LIG1: variants seen among roughly 807,000 people sequenced by gnomAD.
LIG1 encodes the protein ligase I, DNA, ATP-dependent.
A neutral mutation model predicts 115.7 loss-of-function variants in LIG1; 70 were observed. The ratio of observed to expected loss-of-function variants is 0.60; its 90% confidence interval spans 0.50 to 0.74. The LOEUF (loss-of-function observed/expected upper bound fraction) is 0.74. Among genes scored for constraint, LIG1 ranks in the 30% least tolerant of loss-of-function variants. The probability of loss-of-function intolerance (pLI) is 0.00; values close to 1 mark genes in which losing one functional copy is unlikely to be tolerated. For synonymous variants in LIG1, 487 were observed against 495.3 expected, an observed-to-expected ratio of 0.98 and a Z score of 0.22; for missense variants, 1,115 against 1,225.6, an observed-to-expected ratio of 0.91 and a Z score of 1.35.
intron 7 of LIG1, 63 bp from the exon 8 acceptor site, chr19:48,150,273 T>C: frequency 6.2e-7 from 1 of 1,609,738 alleles, no homozygotes; most frequent in African/African-American, 1.3e-5. Flanking sequence ...TTTTTTCTTT[T>C]TTTTTACCCC....
intron 21 of LIG1, among the ~76,000 whole-genome samples, chr19:48,124,229 G>A (rs1446988595): frequency 6.6e-6 from 1 of 152,184 alleles, no homozygotes; most frequent in Non-Finnish European, 1.5e-5. Context: ...GCTTTTTTCT[G>A]TTGTAAAATT....
chr19:48,164,253 G>C (rs2036353010), intron 2 of LIG1, among the ~76,000 whole-genome samples: 1 of 152,112 alleles, frequency 6.6e-6, no homozygotes, highest in Non-Finnish European at 1.5e-5. Flanking sequence ...GCAATCGAAG[G>C]CACCATCAGC....
At chr19:48,164,515 T>G (rs2036368105) in intron 2 of LIG1, among the ~76,000 whole-genome samples, 1 of 152,194 alleles carries the variant, frequency 6.6e-6, no homozygotes. Context: ...TGATCCAGGC[T>G]GCATCCCTGT....
At position 48,139,993 on chromosome 19, in the gene LIG1, GAGA is replaced by G. The variant is rs1008686268; in HGVS notation, c.1062_1064del (p.Leu355del). 2 of 1,614,166 alleles carry G rather than the reference GAGA, an allele frequency of 1.2e-6. No homozygotes were observed. Among genetic ancestry groups the G allele is most frequent in the African/African-American group, 1.3e-5 (1 of 75,062 alleles). ...TACCTGTGGCCTGGGCCACTGCCTT[GAGA>G]AGGACACCATCACCCACGCCAAGCT... On this transcript the variant is annotated inframe_deletion, in exon 12 of 28. Coordinates refer to ENST00000263274, the MANE Select transcript of LIG1 (RefSeq NM_000234.3).
At chr19:48,149,729 C>G in intron 9 of LIG1, 34 bp downstream of exon 9, 1 of 1,576,966 alleles carries the variant, frequency 6.3e-7, no homozygotes, top group Non-Finnish European at 8.7e-7. Flanking sequence ...GAACACATCC[C>G]GAAGAACCTT....
Position 48,156,920 on chromosome 19 carries a change from C to G in LIG1, c.370+94G>C, listed in dbSNP as rs1389561693. The G allele has an allele frequency of 2.6e-6, 3 of 1,171,338 alleles. No homozygotes were observed. In the Admixed American group the frequency reaches 9.3e-5, roughly 36 times the overall value. The allele number at this position is 1,171,338 out of a possible 1,614,324, so 72.6% of individuals were successfully genotyped here. ...TGCCACTGCACTCCAGCCTAGGCAA[C>G]AGAGCGAGACTATGTCTCAAAAAAA... On this transcript the variant is annotated intron_variant, in intron 5 of 27. Transcript: ENST00000263274.
chr19:48,144,525 A>T (rs1394123802), intron 9 of LIG1, among the ~76,000 whole-genome samples: 1 of 152,054 alleles, frequency 6.6e-6, no homozygotes, highest in Non-Finnish European at 1.5e-5. Flanking sequence ...TTCTTGAGAC[A>T]GAGTCTCACT....
chr19:48,137,887 A>G lies in LIG1; in HGVS notation c.1088-199T>C. ...CCAGCCACGCTGGCTGTAGGAAGTCAGCAAACATGCACGTGGAGCCAGGAA... is the reference window on the plus strand; with the variant it reads ...CCAGCCACGCTGGCTGTAGGAAGTCGGCAAACATGCACGTGGAGCCAGGAA... On this transcript the variant is annotated intron_variant, in intron 12 of 27. Transcript: ENST00000263274. The surrounding 1 kb of genome is among the most constrained non-coding windows in gnomAD (Gnocchi z 4.3). 1 of 652,660 alleles carries G rather than the reference A, an allele frequency of 1.5e-6. No homozygotes were observed. Among genetic ancestry groups the G allele is most frequent in the Non-Finnish European group, 2.7e-6 (1 of 369,150 alleles). 40.4% of individuals were successfully genotyped at this position (652,660 alleles called of 1,614,324 possible).
intron 4 of LIG1, among the ~76,000 whole-genome samples, chr19:48,158,198 G>A (rs1425078333): frequency 1.3e-5 from 2 of 152,150 alleles, no homozygotes; most frequent in East Asian, 3.8e-4. Flanking sequence ...TAAATTAACT[G>A]GTCTGAAGTA....
chr19:48,157,771 T>A lies in LIG1; in HGVS notation c.244-631A>T, dbSNP rs113426447. On this transcript the variant is annotated intron_variant, in intron 4 of 27. Transcript: ENST00000263274. ...CACGTTGGCCAGGCTGGTCTCGAAC[T>A]CCTGAGCTCAAGCGATCCTCCCGCC... Among the ~76,000 whole-genome samples, 19 of 152,288 alleles carry A rather than the reference T, an allele frequency of 1.2e-4. 2 individuals are homozygous for A. The highest frequency in any genetic ancestry group is 4.6e-4 in the African/African-American group (19 of 41,552).
intron 21 of LIG1, among the ~76,000 whole-genome samples, chr19:48,125,502 G>A (rs1337825734): frequency 1.4e-5 from 2 of 147,684 alleles, no homozygotes; most frequent in South Asian, 4.3e-4. Context: ...GGGCCTAACG[G>A]AGAAAAAACG....
At chr19:48,125,862 C>T (rs1157070921) in intron 21 of LIG1, among the ~76,000 whole-genome samples, 1 of 151,936 alleles carries the variant, frequency 6.6e-6, no homozygotes, top group Non-Finnish European at 1.5e-5. Flanking sequence ...GTGGTGCACG[C>T]CTGTAATCCC....
At position 48,119,144 on chromosome 19, in the gene LIG1, C is replaced by A. The variant is rs755582294; in HGVS notation, c.2432G>T (p.Ser811Ile). 6.3e-7 allele frequency: 1 copy of A among 1,580,464 alleles called. No individual in the cohort carries two copies. The change falls in exon 25 of 28, where the codon AGC becomes ATC. Residue 811 changes from serine (S) to isoleucine (I), a missense_variant. Physicochemically the swap from Ser to Ile is moderately radical, Grantham distance 142. Coordinates refer to ENST00000263274, the MANE Select transcript of LIG1 (RefSeq NM_000234.3). The stretch of plus-strand genomic sequence containing the variant: ...GCAGCCGCCATGGCTCACCTTGAGG[C>A]TCTGGTGATGCTCCTCCAGCTCCTC... ...SDEELEEHHQ[S>I]LKALVLPSPR...
intron 11 of LIG1, among the ~76,000 whole-genome samples, chr19:48,141,338 GT>G (rs1180918742): frequency 6.6e-6 from 1 of 152,090 alleles, no homozygotes; most frequent in Non-Finnish European, 1.5e-5. Context: ...CAACGTGTTG[GT>G]CAGGCTGGTC....
chr19:48,163,148 C>A (rs527934094), intron 2 of LIG1, among the ~76,000 whole-genome samples: 124 of 151,938 alleles, frequency 8.2e-4, no homozygotes, highest in African/African-American at 2.8e-3. Context: ...AAACTCCTGA[C>A]CTTAGGTGAT....
In LIG1 at chr19:48,135,702, T is replaced by C; in HGVS notation, c.1501A>G (p.Met501Val). Residue 501 changes from methionine (M) to valine (V), a missense_variant, in exon 16 of 28, where the codon ATG becomes GTG. Transcript: ENST00000263274. ...ARKTWLEEQG[M>V]ILKQTFCEVP... ...CACCAGAACGTCTGCTTCAGGATCA[T>C]GCCTTGCTCCTCCAGCCACGTCTTT... 6.2e-7 allele frequency: 1 copy of C among 1,614,010 alleles called. No individual in the cohort carries two copies. Among genetic ancestry groups the C allele is most frequent in the Non-Finnish European group, 8.5e-7 (1 of 1,179,922 alleles).
intron 4 of LIG1, among the ~76,000 whole-genome samples, chr19:48,160,656 G>A (rs1337873132): frequency 6.6e-6 from 1 of 152,156 alleles, no homozygotes; most frequent in Non-Finnish European, 1.5e-5. Flanking sequence ...GGGGAAGAGA[G>A]TGGTCCAATG....
At chr19:48,150,743 G>C (rs2035419483) in intron 7 of LIG1, among the ~76,000 whole-genome samples, 1 of 152,120 alleles carries the variant, frequency 6.6e-6, no homozygotes, top group Admixed American at 6.5e-5. Flanking sequence ...TGTGGCCAAG[G>C]CTGGAGTGCA....
intron 2 of LIG1, among the ~76,000 whole-genome samples, 196 bp from the exon 3 acceptor site, chr19:48,162,547 C>T (rs2036243893): frequency 6.6e-6 from 1 of 151,640 alleles, no homozygotes; most frequent in African/African-American, 2.4e-5. Context: ...CATTCTCCTG[C>T]CTCAGCCTCC....
Sources: gnomAD v4.1 joint callset for allele counts (sites outside exome capture counted in the v4.1 genomes callset) on GRCh38, gnomAD v4.1.1 for gene constraint, Gnocchi (gnomAD v3.1) non-coding constraint, MANE v1.5 for transcripts, NCBI Gene and HGNC (gene_info 2026-07-23, HGNC 2026-07-21) for gene names.